Variants in ZNF44 observed in about 807,000 individuals in gnomAD.
ZNF44 encodes the protein zinc finger protein 44, also known as gonadotropin inducible transcription repressor-2.
ZNF44 carries 9 observed loss-of-function variants against 11.7 expected under a neutral mutation model. The ratio of observed to expected loss-of-function variants is 0.77; its 90% CI spans 0.46 to 1.35. ZNF44 has a LOEUF of 1.35. ZNF44 is among the 40% of genes most tolerant of loss of function. ZNF44 has a pLI of 0.00. For synonymous variants in ZNF44, 224 were observed against 242.7 expected (o/e 0.92, Z 0.72); for missense variants, 696 against 743.1 (o/e 0.94, Z 0.74).
Position 12,272,523 on chromosome 19 carries a change from G to A in ZNF44, c.1732C>T (p.His578Tyr), listed in dbSNP as rs775064181. The A allele has an allele frequency of 6.2e-7, 1 of 1,613,620 alleles. No individual in the cohort carries two copies. The change falls in exon 4 of 4, where the codon CAT becomes TAT. Residue 578 changes from histidine to tyrosine, a missense_variant. Transcript: ENST00000355684. Reference sequence around the variant, plus strand: ...TTCTCTCCAGTGTGAGTTCTTTCATGTTCTCGACAGAAACTGGAACGACTG... The same window carrying A: ...TTCTCTCCAGTGTGAGTTCTTTCATATTCTCGACAGAAACTGGAACGACTG... ...AFSRSSFCRE[H>Y]ERTHTGEKPY...
At chr19:12,294,382 G>T (rs986661266) in intron 1 of ZNF44, among the ~76,000 whole-genome samples, 1 of 152,238 alleles carries the variant, frequency 6.6e-6, no homozygotes, top group African/African-American at 2.4e-5. Flanking sequence ...GACTTGGGCT[G>T]CGAACCTGTA....
At chr19:12,261,732 C>G (rs1402160863) in intron 5 of ZNF44, among the ~76,000 whole-genome samples, 2 of 152,126 alleles carry the variant, frequency 1.3e-5, no homozygotes, top group African/African-American at 4.8e-5. Flanking sequence ...TAAAGAAACA[C>G]TAACAGATGC....
Position 12,261,928 on chromosome 19 carries a change from T to A in ZNF44, c.1912+10559A>T, listed in dbSNP as rs569732338. ...ATACTTTACTATTAGCCATTATTTT[T>A]AATTAACTTGTTTCTAAAATTTATT... On this transcript the variant is annotated intron_variant and NMD_transcript_variant, in intron 5 of 7. Transcript: ENST00000393337. Among the ~76,000 whole-genome samples the A allele has an allele frequency of 3.3e-5, 5 of 152,362 alleles. No homozygotes were observed. The East Asian group carries it at 9.6e-4, about 29-fold the overall frequency.
chr19:12,225,449 T>A (rs78805321), downstream of ZNF44, among the ~76,000 whole-genome samples: 352 of 152,348 alleles, frequency 2.3e-3, 8 homozygotes, highest in East Asian at 0.049. Flanking sequence ...TTTTTTTTAA[T>A]AGCGCTTTTT....
intron 5 of ZNF44, among the ~76,000 whole-genome samples, chr19:12,253,872 G>T (rs919389242): frequency 6.6e-6 from 1 of 152,040 alleles, no homozygotes; most frequent in South Asian, 2.1e-4. Flanking sequence ...CCAGCTACTC[G>T]GGAGGCTGAT....
At chr19:12,270,654 G>A (rs1966921202), downstream of ZNF44, among the ~76,000 whole-genome samples, 1 of 152,076 alleles carries the variant, frequency 6.6e-6, no homozygotes, top group Non-Finnish European at 1.5e-5. Context: ...GTTTCACCAT[G>A]TTGACCAGGC....
chr19:12,227,806 A>T (rs796257298), intron 3 of ZNF44, among the ~76,000 whole-genome samples: 90 of 152,344 alleles, frequency 5.9e-4, no homozygotes, highest in African/African-American at 2.1e-3. Flanking sequence ...AGCCCAAAGA[A>T]AGCCAAACAC....
At chr19:12,275,741 A>G (rs1486247968) in intron 2 of ZNF44, among the ~76,000 whole-genome samples, 1 of 152,254 alleles carries the variant, frequency 6.6e-6, no homozygotes, top group Admixed American at 6.5e-5. Flanking sequence ...TCACTTGTTT[A>G]TATGACTGAT....
At chr19:12,294,491 G>A (rs1032552026) in intron 1 of ZNF44, among the ~76,000 whole-genome samples, 2 of 152,208 alleles carry the variant, frequency 1.3e-5, no homozygotes, top group Non-Finnish European at 2.9e-5. Flanking sequence ...GCTCAGGGAC[G>A]GGACAGGACG....
At position 12,272,767 on chromosome 19, in the gene ZNF44, C is replaced by A. The variant is rs1263814090; in HGVS notation, c.1488G>T (p.Arg496Ser). The A allele has an allele frequency of 9.9e-6, 16 of 1,613,906 alleles. No individual in the cohort carries two copies. The highest frequency in any genetic ancestry group is 1.6e-4 in the Middle Eastern group (1 of 6,062). ...SSFKYFCRHE[R>S]THSEEKSYEC... Reference sequence around the variant, plus strand: ...CATAAGATTTTTCTTCACTGTGAGTCCTTTCATGGCGACAAAAGTATTTAA... The same window carrying A: ...CATAAGATTTTTCTTCACTGTGAGTACTTTCATGGCGACAAAAGTATTTAA... The change falls in exon 4 of 4, where the codon AGG (arginine) becomes AGT (serine). Residue 496 changes from arginine (R) to serine (S), a missense_variant. Physicochemically the swap from Arg to Ser is moderately radical, Grantham distance 110. Coordinates refer to ENST00000355684, the MANE Select transcript of ZNF44 (RefSeq NM_016264.4).
Position 12,294,702 on chromosome 19 carries a change from C to A in ZNF44, c.-8G>T. ...GCCCCGCACACTCACCATTTCCCGG[C>A]TGTGCGGTGTCCCGGGTCCTCCCAA... is the stretch of plus-strand genomic sequence containing the variant. On this transcript the variant is annotated 5_prime_UTR_variant, in exon 1 of 4. Coordinates refer to ENST00000355684, the MANE Select transcript of ZNF44 (RefSeq NM_016264.4). 1 of 1,560,068 alleles carries A rather than the reference C, an allele frequency of 6.4e-7. No individual in the cohort carries two copies.
At chr19:12,268,145 G>GACACACACACACACACACACACACAC (rs71166661), downstream of ZNF44, among the ~76,000 whole-genome samples, 14 of 136,748 alleles carry the variant, frequency 1.0e-4, no homozygotes, top group African/African-American at 3.7e-4. Flanking sequence ...CACACACACA[G>GACACACACACACACACACACACACAC]ACACACACAC....
downstream of ZNF44, among the ~76,000 whole-genome samples, chr19:12,270,864 G>A (rs1966926968): frequency 6.6e-6 from 1 of 152,178 alleles, no homozygotes; most frequent in Non-Finnish European, 1.5e-5. Flanking sequence ...TACTGCAGAG[G>A]CTGTAGATGC....
downstream of ZNF44, among the ~76,000 whole-genome samples, chr19:12,271,224 T>G (rs941963338): frequency 6.6e-6 from 1 of 152,350 alleles, no homozygotes; most frequent in Admixed American, 6.5e-5. Context: ...GAAAAAAGCT[T>G]CTGTGTCATA....
rs1397828857 is a variant in ZNF44 at position 12,272,548 on chromosome 19, G to C, written c.1707C>G (p.Phe569Leu). ...PYECKHCGKA[F>L]SRSSFCREHE... ...GTTCTCGACAGAAACTGGAACGACT[G>C]AAGGCTTTACCACAGTGTTTACATT... Residue 569 changes from phenylalanine to leucine, a missense_variant, in exon 4 of 4, where the codon TTC becomes TTG. Coordinates refer to ENST00000355684, the MANE Select transcript of ZNF44 (RefSeq NM_016264.4). 6.2e-7 allele frequency: 1 copy of C among 1,613,308 alleles called. No individual in the cohort carries two copies. The highest frequency in any genetic ancestry group is 1.7e-5 in the Admixed American group (1 of 59,876).
At chr19:12,244,136 G>A (rs577092674), downstream of ZNF44, among the ~76,000 whole-genome samples, 19 of 152,180 alleles carry the variant, frequency 1.2e-4, no homozygotes, top group African/African-American at 4.1e-4. Flanking sequence ...TCACACTTCT[G>A]AGTACTGGGA....
intron 5 of ZNF44, among the ~76,000 whole-genome samples, chr19:12,253,815 C>A (rs1917124897): frequency 2.0e-5 from 3 of 151,964 alleles, no homozygotes; most frequent in Non-Finnish European, 1.5e-5. Flanking sequence ...CCCATCTCTA[C>A]TTAAAATACA....
At chr19:12,243,057 G>C (rs1305327293), downstream of ZNF44, among the ~76,000 whole-genome samples, 4 of 152,118 alleles carry the variant, frequency 2.6e-5, no homozygotes, top group Non-Finnish European at 5.9e-5. Flanking sequence ...GAACTGCAAG[G>C]TGACACAGAA....
At chr19:12,262,619 A>G (rs142709596) in intron 5 of ZNF44, among the ~76,000 whole-genome samples, 1 of 152,260 alleles carries the variant, frequency 6.6e-6, no homozygotes, top group East Asian at 1.9e-4. Context: ...CACATCCTCT[A>G]GGGCATATGC....
Sources: allele counts gnomAD v4.1 joint callset (sites outside exome capture counted in the v4.1 genomes callset), GRCh38; gene constraint gnomAD v4.1.1; transcripts MANE v1.5; gene names NCBI Gene and HGNC (gene_info 2026-07-23, HGNC 2026-07-21).